Variants in CALD1 observed in about 807,000 individuals in gnomAD.
CALD1 encodes caldesmon 1.
A neutral mutation model predicts 99.9 loss-of-function variants in CALD1; 33 were observed. That is an observed-to-expected ratio of 0.33 (90% confidence interval 0.25 to 0.44). The LOEUF (loss-of-function observed/expected upper bound fraction) is 0.44. Ranked by LOEUF, CALD1 falls within the 20% of genes least tolerant of loss-of-function variation. The pLI, the probability that CALD1 is intolerant of heterozygous loss-of-function variation, is 1.00. For synonymous variants in CALD1, 310 were observed against 325.0 expected (o/e 0.95, Z 0.50); for missense variants, 861 against 962.1 (o/e 0.89, Z 1.39).
chr7:134,965,797 G>A (rs982535429), intron 14 of CALD1, among the ~76,000 whole-genome samples: 1 of 147,446 alleles, frequency 6.8e-6, no homozygotes, highest in Non-Finnish European at 1.5e-5. Flanking sequence ...AGATTACATT[G>A]CCACTGCCAG....
intron 7 of CALD1, among the ~76,000 whole-genome samples, chr7:134,945,695 A>G (rs1332356831): frequency 6.6e-6 from 1 of 152,240 alleles, no homozygotes; most frequent in African/African-American, 2.4e-5. Context: ...CCTTAACCAC[A>G]TCATACCAAG....
chr7:134,779,012 G>A (rs1397907087), upstream of CALD1, among the ~76,000 whole-genome samples: 2 of 152,178 alleles, frequency 1.3e-5, no homozygotes, highest in Admixed American at 1.3e-4. Context: ...TTTTGGGGAG[G>A]TGTGCCTCTT....
intron 8 of CALD1, chr7:134,948,027 G>A (rs1807041316): frequency 2.6e-6 from 1 of 381,314 alleles, no homozygotes; most frequent in African/African-American, 2.0e-5. Context: ...TTTTGTTTTT[G>A]TTTGTAACTT....
chr7:134,775,685 T>G (rs1473668453), upstream of CALD1, among the ~76,000 whole-genome samples: 1 of 149,396 alleles, frequency 6.7e-6, no homozygotes, highest in Non-Finnish European at 1.5e-5. Context: ...CACTCCAGTC[T>G]GGGCAACAGA....
At chr7:134,943,615 AAG>A (rs1223811377) in intron 7 of CALD1, among the ~76,000 whole-genome samples, 4 of 152,224 alleles carry the variant, frequency 2.6e-5, no homozygotes, top group Admixed American at 2.6e-4. Context: ...TAGAAATTAA[AAG>A]ATTTTTTCCG....
chr7:134,798,783 G>T (rs1797840709), intron 1 of CALD1, among the ~76,000 whole-genome samples: 1 of 152,220 alleles, frequency 6.6e-6, no homozygotes, highest in Non-Finnish European at 1.5e-5. Context: ...CTAGTGGAAA[G>T]AATCTTTTTA....
intron 2 of CALD1, among the ~76,000 whole-genome samples, chr7:134,861,856 A>T (rs951935002): frequency 6.6e-6 from 1 of 152,200 alleles, no homozygotes; most frequent in African/African-American, 2.4e-5. Context: ...CAGAGAAATG[A>T]TGATGTTGTG....
In CALD1 at chr7:134,934,040, A is replaced by G. The variant is rs1805754334; in HGVS notation, c.1271A>G (p.Gln424Arg). The change falls in exon 5 of 15, where the codon CAA becomes CGA. Residue 424 changes from glutamine to arginine, a missense_variant. Coordinates refer to ENST00000361675, the MANE Select transcript of CALD1 (RefSeq NM_033138.4). ...EGKWVNEKKAQEDKLQTAVLK... is the reference protein window; with the variant it reads ...EGKWVNEKKAREDKLQTAVLK... ...AAATGGGTAAATGAAAAGAAAGCAC[A>G]AGAAGATAAACTTCAGACAGCTGTC... 1 of 1,612,670 alleles carries G rather than the reference A, an allele frequency of 6.2e-7. No homozygotes were observed.
rs561069887 is a variant in CALD1, at chr7:134,836,560, C to T, written c.-129-7324C>T. Among the ~76,000 whole-genome samples the T allele has an allele frequency of 2.5e-4, 38 of 152,278 alleles. 2 individuals are homozygous for T. The South Asian group carries it at 5.2e-3, about 21-fold the overall frequency. Reference sequence around the variant, plus strand: ...TTTTTATTATCTACACTAGGTCTTTCGTGATGAGTGGTAGTTATACCCAGC... The same window carrying T: ...TTTTTATTATCTACACTAGGTCTTTTGTGATGAGTGGTAGTTATACCCAGC... On this transcript the variant is annotated intron_variant, in intron 1 of 14. Coordinates refer to ENST00000361675, the MANE Select transcript of CALD1 (RefSeq NM_033138.4).
At chr7:134,788,082 C>T (rs568923919) in intron 1 of CALD1, among the ~76,000 whole-genome samples, 2 of 152,088 alleles carry the variant, frequency 1.3e-5, no homozygotes, top group African/African-American at 2.4e-5. Flanking sequence ...GTTAAACTTT[C>T]GAGAATTTTG....
chr7:134,947,493 GC>G lies in CALD1; in HGVS notation c.1533-9del, dbSNP rs771083508. 2 of 1,563,834 alleles carry G rather than the reference GC, an allele frequency of 1.3e-6. No individual in the cohort carries two copies. The highest frequency in any genetic ancestry group is 1.2e-5 in the South Asian group (1 of 84,902). On this transcript the variant is annotated splice_polypyrimidine_tract_variant and intron_variant, in intron 7 of 14. Transcript: ENST00000361675. The stretch of plus-strand genomic sequence containing the variant: ...AAAAGCATGTAAACCCCTTTCCATT[GC>G]CCCCCAACCACAGCCGCCCTGGAGG...
chr7:134,789,102 C>T (rs1247484381), intron 1 of CALD1, among the ~76,000 whole-genome samples: 4 of 149,590 alleles, frequency 2.7e-5, no homozygotes, highest in Admixed American at 2.7e-4. Flanking sequence ...CATGTTGGAG[C>T]TCATTGATTC....
At chr7:134,894,020 G>A (rs900714946) in intron 3 of CALD1, among the ~76,000 whole-genome samples, 1 of 152,208 alleles carries the variant, frequency 6.6e-6, no homozygotes, top group Non-Finnish European at 1.5e-5. Context: ...AAATGGGGTA[G>A]GGCGACACTC....
intron 1 of CALD1, among the ~76,000 whole-genome samples, chr7:134,836,042 A>G (rs200211494): frequency 0.04 from 2,896 of 73,168 alleles, no homozygotes; most frequent in East Asian, 0.17. Flanking sequence ...CTACTCAGGA[A>G]GCTGAAGCAG....
chr7:134,741,684 T>C (rs1242251309), upstream of CALD1, among the ~76,000 whole-genome samples: 7 of 152,160 alleles, frequency 4.6e-5, no homozygotes, highest in Non-Finnish European at 8.8e-5. Flanking sequence ...CCAATGCTAG[T>C]AGTCACATGT....
upstream of CALD1, among the ~76,000 whole-genome samples, chr7:134,776,174 A>G (rs192131736): frequency 2.1e-4 from 32 of 152,252 alleles, no homozygotes; most frequent in Admixed American, 4.6e-4. Context: ...TTTTAGTTGT[A>G]GAAGAGATAG....
chr7:134,746,019 C>T (rs1796632120), intron 1 of CALD1, among the ~76,000 whole-genome samples: 1 of 152,106 alleles, frequency 6.6e-6, no homozygotes, highest in Non-Finnish European at 1.5e-5. Context: ...TGAAGAGAAC[C>T]TATGGGAAAG....
At chr7:134,958,772 T>C (rs1422631390) in intron 11 of CALD1, among the ~76,000 whole-genome samples, 1 of 151,512 alleles carries the variant, frequency 6.6e-6, no homozygotes, top group Non-Finnish European at 1.5e-5. Context: ...ATAATAAAGA[T>C]AAATTTTAGG....
At chr7:134,891,477 A>G in intron 3 of CALD1, 7 of 1,379,186 alleles carry the variant, frequency 5.1e-6, no homozygotes, top group Non-Finnish European at 6.6e-6. Context: ...TGTTAACACA[A>G]AGGGAGAACA....
Sources: allele counts gnomAD v4.1 joint callset (sites outside exome capture counted in the v4.1 genomes callset), GRCh38; gene constraint gnomAD v4.1.1; transcripts MANE v1.5; gene names NCBI Gene and HGNC (gene_info 2026-07-23, HGNC 2026-07-21).